SLCO1A2: variants seen among roughly 807,000 people sequenced by gnomAD.
SLCO1A2 encodes OATP-1.
Under a neutral mutation model 69.0 loss-of-function variants are expected in SLCO1A2, and 67 were observed. The observed-to-expected ratio is 0.97, with a 90% CI of 0.80 to 1.19. The LOEUF is 1.19. Ranked by LOEUF, SLCO1A2 falls within the 50% of genes most tolerant of loss-of-function variation. The pLI is 0.00. For missense variants in SLCO1A2, 787 were observed against 793.7 expected, an observed-to-expected ratio of 0.99 and a Z score of 0.10; for synonymous variants, 260 against 265.9, an observed-to-expected ratio of 0.98 and a Z score of 0.22.
At chr12:21,325,425 C>A (rs1377869876) in intron 2 of SLCO1A2, among the ~76,000 whole-genome samples, 1 of 152,138 alleles carries the variant, frequency 6.6e-6, no homozygotes, top group East Asian at 1.9e-4. Flanking sequence ...TTTTCTACCC[C>A]CAGACCATTT....
At chr12:21,366,428 G>A (rs578227159) in intron 2 of SLCO1A2, among the ~76,000 whole-genome samples, 1 of 152,070 alleles carries the variant, frequency 6.6e-6, no homozygotes, top group East Asian at 1.9e-4. Context: ...ATAGCATTAG[G>A]AGATATACCT....
chr12:21,372,185 T>C (rs1230542830), intron 2 of SLCO1A2, among the ~76,000 whole-genome samples: 1 of 152,194 alleles, frequency 6.6e-6, no homozygotes, highest in African/African-American at 2.4e-5. Flanking sequence ...AAAATAATTG[T>C]AAAATTTCTG....
intron 2 of SLCO1A2, among the ~76,000 whole-genome samples, chr12:21,361,439 C>A (rs546177671): frequency 1.6e-4 from 24 of 152,266 alleles, no homozygotes; most frequent in African/African-American, 5.8e-4. Flanking sequence ...GGGGAGAAAC[C>A]AGAGCAGAAA....
At chr12:21,332,034 G>T (rs1255025296) in intron 2 of SLCO1A2, among the ~76,000 whole-genome samples, 3 of 152,070 alleles carry the variant, frequency 2.0e-5, no homozygotes, top group Non-Finnish European at 2.9e-5. Flanking sequence ...TTTCATGGCT[G>T]CTAATTTGTG....
rs374407620 is a variant in SLCO1A2, at chr12:21,306,429, G to A, written c.442+453C>T. 3.9e-5 allele frequency among the ~76,000 whole-genome samples: 6 copies of A among 152,068 alleles called. No individual in the cohort carries two copies. The East Asian group carries it at 9.7e-4, about 25-fold the overall frequency. ...CAACCTCTGCCACCTGGGTTTAAGC[G>A]ATCCTCCAGCCTCGGCCTCCTGAGT... On this transcript the variant is annotated intron_variant, in intron 5 of 14. Transcript: ENST00000683939.
At chr12:21,306,844 G>T (rs763175126) in intron 5 of SLCO1A2, 38 bp downstream of exon 5, 13 of 1,393,820 alleles carry the variant, frequency 9.3e-6, no homozygotes, top group Non-Finnish European at 1.3e-5. Flanking sequence ...TTAGTTATAA[G>T]TTCGCTGAAC....
upstream of SLCO1A2, among the ~76,000 whole-genome samples, chr12:21,397,405 C>T (rs1210945838): frequency 3.9e-5 from 6 of 152,128 alleles, no homozygotes; most frequent in Non-Finnish European, 8.8e-5. Context: ...GAGATTTAGA[C>T]TCCCACACAT....
Position 21,275,372 on chromosome 12 carries a change from T to C in SLCO1A2, c.1663A>G (p.Thr555Ala). Residue 555 changes from threonine to alanine, a missense_variant, in exon 13 of 15, where the codon ACA becomes GCA. Coordinates refer to ENST00000683939, the MANE Select transcript of SLCO1A2 (RefSeq NM_001386879.1). The part of the protein sequence containing the change: ...SLGVGLHTFC[T>A]RVFAGIPAPI... ...TAACTATTTTTACCAAATACTCTTGTGCAAAATGTATGTAATCCCACACCA... is the reference window on the plus strand; with the variant it reads ...TAACTATTTTTACCAAATACTCTTGCGCAAAATGTATGTAATCCCACACCA... 1 of 1,561,802 alleles carries C rather than the reference T, an allele frequency of 6.4e-7. No homozygotes were observed. The highest frequency in any genetic ancestry group is 8.7e-7 in the Non-Finnish European group (1 of 1,144,400).
rs560887992 is a variant in SLCO1A2 at position 21,300,005 on chromosome 12, T to C, written c.910+343A>G. ...GTATATATGTGTGTAGATATATGTG[T>C]GTGTACATATATATGTGTATATATG... On this transcript the variant is annotated intron_variant, in intron 8 of 14. Coordinates refer to ENST00000683939, the MANE Select transcript of SLCO1A2 (RefSeq NM_001386879.1). 3.4e-5 allele frequency among the ~76,000 whole-genome samples: 5 copies of C among 149,116 alleles called. No individual in the cohort carries two copies. The East Asian group carries it at 1.0e-3, about 30-fold the overall frequency.
intron 8 of SLCO1A2, among the ~76,000 whole-genome samples, chr12:21,298,577 G>A (rs1948111072): frequency 6.6e-6 from 1 of 152,136 alleles, no homozygotes; most frequent in Non-Finnish European, 1.5e-5. Context: ...GCAAGTAAAT[G>A]AGTTATAATT....
chr12:21,391,987 G>A (rs180850941), intron 1 of SLCO1A2, among the ~76,000 whole-genome samples: 162 of 152,160 alleles, frequency 1.1e-3, no homozygotes, highest in African/African-American at 3.7e-3. Flanking sequence ...ATCTCCTCTA[G>A]AGTTGAAATT....
intron 1 of SLCO1A2, among the ~76,000 whole-genome samples, chr12:21,407,365 G>A (rs1941837554): frequency 2.0e-5 from 3 of 152,188 alleles, no homozygotes; most frequent in Admixed American, 1.3e-4. Flanking sequence ...AGAGGAACAA[G>A]ATGCAGTTGG....
At chr12:21,387,360 G>T (rs546107688) in intron 1 of SLCO1A2, among the ~76,000 whole-genome samples, 67 of 152,236 alleles carry the variant, frequency 4.4e-4, no homozygotes, top group Admixed American at 7.8e-4. Flanking sequence ...CCCATCCCAG[G>T]CCCTGAGGCC....
chr12:21,274,593 TTGACAGGGAAAGAAAAATC>T lies in SLCO1A2; in HGVS notation c.1676-26_1676-8del. The stretch of plus-strand genomic sequence containing the variant: ...ATAGGTGCAGGAATGCCAGCTACAA[TTGACAGGGAAAGAAAAATC>T]TATCAACAAGAATTAAGATACTTGA... On this transcript the variant is annotated splice_polypyrimidine_tract_variant and splice_region_variant and intron_variant, in intron 13 of 14. Coordinates refer to ENST00000683939, the MANE Select transcript of SLCO1A2 (RefSeq NM_001386879.1). 2 of 1,536,666 alleles carry T rather than the reference TTGACAGGGAAAGAAAAATC, an allele frequency of 1.3e-6. No individual in the cohort carries two copies. Among genetic ancestry groups the T allele is most frequent in the South Asian group, 1.1e-5 (1 of 88,758 alleles).
intron 8 of SLCO1A2, 93 bp from the exon 9 acceptor site, chr12:21,297,661 T>C (rs1947937875): frequency 7.6e-6 from 6 of 793,158 alleles, no homozygotes; most frequent in Non-Finnish European, 1.2e-5. Context: ...CAACAAATTA[T>C]GTTTTTTACT....
In SLCO1A2 at chr12:21,350,835, C is replaced by CAAAAAAA. The variant is rs11454466; in HGVS notation, c.-62-16133_-62-16127dup. Reference sequence around the variant, plus strand: ...CTGGTGACAGAGCAAGACTCTGTCTCAAAAAAAAAAAAAAAAAAAAAAAAA... The same window carrying CAAAAAAA: ...CTGGTGACAGAGCAAGACTCTGTCTCAAAAAAAAAAAAAAAAAAAAAAAAAAAAAAAA... On this transcript the variant is annotated intron_variant, in intron 2 of 15. Transcript: ENST00000307378. Among the ~76,000 whole-genome samples the CAAAAAAA allele has an allele frequency of 8.3e-4, 34 of 40,728 alleles. 7 individuals carry two copies. The highest frequency in any genetic ancestry group is 6.2e-3 in the South Asian group (4 of 642). The allele number at this position is 40,728 out of a possible 152,430, so 26.7% of individuals were successfully genotyped here. A position where few individuals can be genotyped will look rare whatever the true frequency, so the allele number is the denominator to read the frequency against.
chr12:21,319,392 C>A, intron 2 of SLCO1A2: 1 of 1,367,984 alleles, frequency 7.3e-7, no homozygotes, highest in Non-Finnish European at 9.8e-7. Context: ...TCCACTCTTT[C>A]CTGTTCTTGC....
At chr12:21,281,279 G>A (rs944823611) in intron 12 of SLCO1A2, among the ~76,000 whole-genome samples, 5 of 151,988 alleles carry the variant, frequency 3.3e-5, no homozygotes, top group East Asian at 1.9e-4. Context: ...GTGAAATCCC[G>A]TCTCTACTAA....
At chr12:21,370,918 A>G (rs1939739082) in intron 2 of SLCO1A2, among the ~76,000 whole-genome samples, 1 of 152,194 alleles carries the variant, frequency 6.6e-6, no homozygotes, top group African/African-American at 2.4e-5. Flanking sequence ...TTTGTTCATG[A>G]AAGAGTTCAG....
Sources: gnomAD v4.1 joint callset for allele counts (sites outside exome capture counted in the v4.1 genomes callset) on GRCh38, gnomAD v4.1.1 for gene constraint, MANE v1.5 for transcripts, NCBI Gene and HGNC (gene_info 2026-07-23, HGNC 2026-07-21) for gene names.